The following CCDC85C variants were observed in gnomAD, a reference collection of about 807,000 sequenced individuals.
CCDC85C encodes the protein coiled-coil domain containing 85C, also known as coiled-coil domain-containing protein 85C.
A neutral mutation model predicts 38.3 loss-of-function variants in CCDC85C; 18 were observed. The observed-to-expected ratio is 0.47, with a 90% CI of 0.33 to 0.70. The LOEUF (loss-of-function observed/expected upper bound fraction) is 0.70. CCDC85C is among the 30% of genes least tolerant of loss of function. The pLI is 0.03. For synonymous variants in CCDC85C, 264 were observed against 293.8 expected (o/e 0.90, Z 1.04); for missense variants, 566 against 621.2 (o/e 0.91, Z 0.94).
chr14:99,547,501 C>T lies in CCDC85C; in HGVS notation c.794-11413G>A, dbSNP rs571028174. Among the ~76,000 whole-genome samples, 8 of 152,260 alleles carry T rather than the reference C, an allele frequency of 5.3e-5. No individual in the cohort carries two copies. The South Asian group carries it at 1.7e-3, about 32-fold the overall frequency. On this transcript the variant is annotated intron_variant, in intron 1 of 5. Transcript: ENST00000380243. ...TGAAAACCACTGGATTGGCTGGGCA[C>T]AGTGGCTCATGCCTGTAATCCCAGC...
In CCDC85C at chr14:99,503,006, C is replaced by G. The variant is rs897973962; in HGVS notation, c.*12240G>C. The G allele has an allele frequency of 1.4e-5, 23 of 1,613,580 alleles. No homozygotes were observed. Among genetic ancestry groups the G allele is most frequent in the Non-Finnish European group, 1.8e-5 (21 of 1,179,686 alleles). ...CGTGGTGAGTGGGCTAAAGCAGGCC[C>G]TGGGTAGAGCAGGCTTTCCAGGTGG... On this transcript the variant is annotated 3_prime_UTR_variant, in exon 6 of 6. Transcript: ENST00000380243.
Position 99,604,137 on chromosome 14 carries a change from G to A in CCDC85C, c.-178C>T. On this transcript the variant is annotated 5_prime_UTR_variant, in exon 1 of 6. Coordinates refer to ENST00000380243, the MANE Select transcript of CCDC85C (RefSeq NM_001144995.2). Reference sequence around the variant, plus strand: ...CCGCCGGGGCCGCCCGGGAGCCCGCGCGCCTCGGGGTTGACGAGCGGAGGC... The same window carrying A: ...CCGCCGGGGCCGCCCGGGAGCCCGCACGCCTCGGGGTTGACGAGCGGAGGC... 3.3e-6 allele frequency: 1 copy of A among 302,822 alleles called. No homozygotes were observed. Among genetic ancestry groups the A allele is most frequent in the Non-Finnish European group, 4.8e-6 (1 of 209,994 alleles). 18.8% of individuals were successfully genotyped at this position (302,822 alleles called of 1,614,324 possible). A position where few individuals can be genotyped will look rare whatever the true frequency, so the allele number is the denominator to read the frequency against.
At position 99,520,625 on chromosome 14, in the gene CCDC85C, T is replaced by C. The variant is rs1469026715; in HGVS notation, c.975+1508A>G. 1.3e-5 allele frequency among the ~76,000 whole-genome samples: 2 copies of C among 151,074 alleles called. No individual in the cohort carries two copies. The highest frequency in any genetic ancestry group is 6.6e-5 in the Admixed American group (1 of 15,226). On this transcript the variant is annotated intron_variant, in intron 3 of 5. Coordinates refer to ENST00000380243, the MANE Select transcript of CCDC85C (RefSeq NM_001144995.2). The surrounding 1 kb of genome is among the most constrained non-coding windows in gnomAD (Gnocchi z 4.1). ...CCTGCCCGCCGACCAGCCCTGATCA[T>C]GGCCCCTGAACCTCAGTTTATCACC...
chr14:99,524,357 C>G lies in CCDC85C; in HGVS notation c.868-2117G>C, dbSNP rs143413106. ...ACTCCGGCGTCCCTTCCTCCACATC[C>G]TCTCTGGCCCTCGACCAAATGGGCT... On this transcript the variant is annotated intron_variant, in intron 2 of 5. Coordinates refer to ENST00000380243, the MANE Select transcript of CCDC85C (RefSeq NM_001144995.2). 4.1e-3 allele frequency among the ~76,000 whole-genome samples: 619 copies of G among 152,194 alleles called. 4 individuals carry two copies. The highest frequency in any genetic ancestry group is 0.014 in the African/African-American group (592 of 41,542).
chr14:99,503,146 A>G lies in CCDC85C; in HGVS notation c.*12100T>C. 2.5e-6 allele frequency: 2 copies of G among 807,942 alleles called. No homozygotes were observed. The highest frequency in any genetic ancestry group is 4.2e-6 in the Non-Finnish European group (2 of 478,474). The allele number at this position is 807,942 out of a possible 1,614,324, so 50.0% of individuals were successfully genotyped here. On this transcript the variant is annotated 3_prime_UTR_variant, in exon 6 of 6. Coordinates refer to ENST00000380243, the MANE Select transcript of CCDC85C (RefSeq NM_001144995.2). ...CTTGTCGGTGGGGAGCCTGAAAACAAAGGTGCTCCAAGGACAGGCTGCCTC... is the reference window on the plus strand; with the variant it reads ...CTTGTCGGTGGGGAGCCTGAAAACAGAGGTGCTCCAAGGACAGGCTGCCTC...
chr14:99,572,092 A>G lies in CCDC85C; in HGVS notation c.793+31075T>C, dbSNP rs1451688582. ...CCCCAACCCTAACCCAGCACCCGCA[A>G]GTCTCTGGAAGGCAGCGGCAAGGGC... is the stretch of plus-strand genomic sequence containing the variant. On this transcript the variant is annotated intron_variant, in intron 1 of 5. Coordinates refer to ENST00000380243, the MANE Select transcript of CCDC85C (RefSeq NM_001144995.2). This position sits in a 1 kb window ranked among gnomAD's most constrained non-coding sequence, Gnocchi z 4.4. Among the ~76,000 whole-genome samples the G allele has an allele frequency of 2.6e-5, 4 of 152,136 alleles. No homozygotes were observed. The highest frequency in any genetic ancestry group is 4.4e-5 in the Non-Finnish European group (3 of 68,006).
rs1397754629 is a variant in CCDC85C, at chr14:99,516,545, TCAGA to T, written c.1072-263_1072-260del. On this transcript the variant is annotated intron_variant, in intron 4 of 5. Coordinates refer to ENST00000380243, the MANE Select transcript of CCDC85C (RefSeq NM_001144995.2). The surrounding 1 kb of genome is among the most constrained non-coding windows in gnomAD (Gnocchi z 5.5). ...TAGACAGGCTGGGCAAGGAAGACCCTCAGACAGGTGGACTCACTGCAACCCAGGG... is the reference window on the plus strand; with the variant it reads ...TAGACAGGCTGGGCAAGGAAGACCCTCAGGTGGACTCACTGCAACCCAGGG... Among the ~76,000 whole-genome samples the T allele has an allele frequency of 1.6e-4, 24 of 152,130 alleles. No individual in the cohort carries two copies. The highest frequency in any genetic ancestry group is 5.1e-4 in the African/African-American group (21 of 41,476).
In CCDC85C at chr14:99,584,287, C is replaced by T. The variant is rs144599625; in HGVS notation, c.793+18880G>A. 8.5e-3 allele frequency among the ~76,000 whole-genome samples: 1,290 copies of T among 152,232 alleles called. 21 individuals are homozygous for T. Among genetic ancestry groups the T allele is most frequent in the African/African-American group, 0.03 (1,244 of 41,530 alleles). ...GTCTTCCAAGTGTTTCCACAATGAGCAATGGATTATTTAGGGGCAGTGATT... is the reference window on the plus strand; with the variant it reads ...GTCTTCCAAGTGTTTCCACAATGAGTAATGGATTATTTAGGGGCAGTGATT... On this transcript the variant is annotated intron_variant, in intron 1 of 5. Transcript: ENST00000380243.
chr14:99,501,883 TAAGATTTCATTTGAAGAAA>T lies in CCDC85C; in HGVS notation c.*13344_*13362del. ...CTTCTCTTACATTTGACTTCCTCCA[TAAGATTTCATTTGAAGAAA>T]CAGTTGAGTGGCTAGGATTTCAACA... On this transcript the variant is annotated 3_prime_UTR_variant, in exon 6 of 6. Transcript: ENST00000380243. 4.2e-6 allele frequency: 1 copy of T among 240,858 alleles called. No individual in the cohort carries two copies. The highest frequency in any genetic ancestry group is 8.0e-6 in the Non-Finnish European group (1 of 125,552). The allele number at this position is 240,858 out of a possible 1,614,324, so 14.9% of individuals were successfully genotyped here.
chr14:99,537,243 C>G (rs1228753288), intron 1 of CCDC85C, among the ~76,000 whole-genome samples: 1 of 152,136 alleles, frequency 6.6e-6, no homozygotes, highest in Non-Finnish European at 1.5e-5. Flanking sequence ...GCCGCTCACC[C>G]TCGATTGCAG....
At position 99,507,016 on chromosome 14, in the gene CCDC85C, T is replaced by G; in HGVS notation, c.*8230A>C. 2.5e-5 allele frequency: 25 copies of G among 999,106 alleles called. No homozygotes were observed. Among genetic ancestry groups the G allele is most frequent in the Non-Finnish European group, 3.9e-5 (24 of 618,390 alleles). The allele number at this position is 999,106 out of a possible 1,614,324, so 61.9% of individuals were successfully genotyped here. ...ATCTCTGCCAGTACATTTTTCTTTA[T>G]GACATGCTTATTCATGTGAAGAAGT... On this transcript the variant is annotated 3_prime_UTR_variant, in exon 6 of 6. Transcript: ENST00000380243.
At chr14:99,517,010 C>T (rs1262771883) in intron 4 of CCDC85C, 78 bp downstream of exon 4, 25 of 1,348,466 alleles carry the variant, frequency 1.9e-5, no homozygotes, top group Non-Finnish European at 2.4e-5. Flanking sequence ...CTTGGATACC[C>T]CTAGGTGCAA....
intron 1 of CCDC85C, among the ~76,000 whole-genome samples, chr14:99,554,981 C>T (rs1897983030): frequency 6.6e-6 from 1 of 152,226 alleles, no homozygotes; most frequent in Non-Finnish European, 1.5e-5. Flanking sequence ...CTGGTGCCTG[C>T]CCACAAGACT....
In CCDC85C at chr14:99,506,965, A is replaced by G. The variant is rs560782169; in HGVS notation, c.*8281T>C. ...TTCAAGTTCCCTTAAAGCCTTGGTC[A>G]TCTCTGTTGTTTTTCTCCCAAAGAA... On this transcript the variant is annotated 3_prime_UTR_variant, in exon 6 of 6. Coordinates refer to ENST00000380243, the MANE Select transcript of CCDC85C (RefSeq NM_001144995.2). 1 of 776,490 alleles carries G rather than the reference A, an allele frequency of 1.3e-6. No individual in the cohort carries two copies. The highest frequency in any genetic ancestry group is 1.4e-5 in the South Asian group (1 of 73,122). 48.1% of individuals were successfully genotyped at this position (776,490 alleles called of 1,614,324 possible). A position where few individuals can be genotyped will look rare whatever the true frequency, so the allele number is the denominator to read the frequency against.
At chr14:99,515,430 G>T in intron 5 of CCDC85C, 95 bp from the exon 6 acceptor site, 1 of 881,228 alleles carries the variant, frequency 1.1e-6, no homozygotes, top group Non-Finnish European at 1.8e-6. Flanking sequence ...AATCACCCAC[G>T]TCCTCAGAGC....
rs1047257761 is a variant in CCDC85C, at chr14:99,500,944, A to G, written c.*14302T>C. ...TTTATAATTTGATGACACTCAAATTACGCTTCTCAAAAGCGGAAAACAAAG... is the reference window on the plus strand; with the variant it reads ...TTTATAATTTGATGACACTCAAATTGCGCTTCTCAAAAGCGGAAAACAAAG... On this transcript the variant is annotated 3_prime_UTR_variant, in exon 6 of 6. Transcript: ENST00000380243. 1.4e-5 allele frequency: 13 copies of G among 946,628 alleles called. No individual in the cohort carries two copies. Among genetic ancestry groups the G allele is most frequent in the Non-Finnish European group, 1.9e-5 (12 of 617,748 alleles). The allele number at this position is 946,628 out of a possible 1,614,324, so 58.6% of individuals were successfully genotyped here.
chr14:99,589,909 C>T (rs757388263), intron 1 of CCDC85C, among the ~76,000 whole-genome samples: 8 of 152,374 alleles, frequency 5.3e-5, no homozygotes, highest in East Asian at 3.9e-4. Flanking sequence ...GCCACGCCCA[C>T]GGCGCATTTG....
At chr14:99,565,954 G>A (rs1197815869) in intron 1 of CCDC85C, among the ~76,000 whole-genome samples, 1 of 152,226 alleles carries the variant, frequency 6.6e-6, no homozygotes, top group Non-Finnish European at 1.5e-5. Context: ...GCGCCCGTCT[G>A]CTCCAGCCCC....
At chr14:99,547,506 G>A (rs923657646) in intron 1 of CCDC85C, among the ~76,000 whole-genome samples, 4 of 152,182 alleles carry the variant, frequency 2.6e-5, no homozygotes, top group Non-Finnish European at 5.9e-5. Flanking sequence ...GGGCACAGTG[G>A]CTCATGCCTG....
Sources: gnomAD v4.1 joint callset for allele counts (sites outside exome capture counted in the v4.1 genomes callset) on GRCh38, gnomAD v4.1.1 for gene constraint, Gnocchi (gnomAD v3.1) non-coding constraint, MANE v1.5 for transcripts, NCBI Gene and HGNC (gene_info 2026-07-23, HGNC 2026-07-21) for gene names.